The following NPAS3 variants were observed in gnomAD, a reference collection of about 807,000 sequenced individuals.
NPAS3 encodes the protein neuronal PAS domain-containing protein 3.
In NPAS3, 14 loss-of-function variants were observed where a neutral mutation model predicts 73.1. The observed-to-expected ratio is 0.19, with a 90% CI of 0.13 to 0.30. The LOEUF is 0.30. NPAS3 is among the 10% of genes least tolerant of loss of function. The pLI is 1.00. For missense variants in NPAS3, 1,096 were observed against 1,250.0 expected, an observed-to-expected ratio of 0.88 and a Z score of 1.86; for synonymous variants, 620 against 541.5, an observed-to-expected ratio of 1.14 and a Z score of -2.01.
rs369519441 is a variant in NPAS3 at position 33,546,159 on chromosome 14, C to T, written c.469-13962C>T. On this transcript the variant is annotated intron_variant, in intron 4 of 11. Transcript: ENST00000356141. Reference sequence around the variant, plus strand: ...TCTGGTGCTTTACCTAGGGCTGGAACGATATCCAGATTCCCATTTTTGTGA... The same window carrying T: ...TCTGGTGCTTTACCTAGGGCTGGAATGATATCCAGATTCCCATTTTTGTGA... Among the ~76,000 whole-genome samples, 6 of 152,286 alleles carry T rather than the reference C, an allele frequency of 3.9e-5. No homozygotes were observed. The South Asian group carries it at 6.2e-4, about 16-fold the overall frequency.
intron 4 of NPAS3, among the ~76,000 whole-genome samples, chr14:33,531,436 A>C (rs2054039494): frequency 6.6e-6 from 1 of 152,054 alleles, no homozygotes; most frequent in African/African-American, 2.4e-5. Context: ...ACGTCATATA[A>C]ATGGAATGAT....
intron 3 of NPAS3, among the ~76,000 whole-genome samples, chr14:33,307,689 C>G (rs1322522078): frequency 6.6e-6 from 1 of 150,874 alleles, no homozygotes; most frequent in Non-Finnish European, 1.5e-5. Flanking sequence ...CAATCTGTTA[C>G]AAGTTCCTAG....
At chr14:33,731,435 AAAAAAG>A (rs1408316423) in intron 6 of NPAS3, among the ~76,000 whole-genome samples, 5 of 150,890 alleles carry the variant, frequency 3.3e-5, no homozygotes, top group Non-Finnish European at 7.4e-5. Context: ...AAAAAAAAAA[AAAAAAG>A]AGAGAGAGAA....
At chr14:33,592,339 G>C (rs1237718884) in intron 5 of NPAS3, among the ~76,000 whole-genome samples, 1 of 152,174 alleles carries the variant, frequency 6.6e-6, no homozygotes, top group Non-Finnish European at 1.5e-5. Flanking sequence ...GGAAAATGAA[G>C]TTTGAAATGT....
At chr14:33,612,258 A>G (rs776783668) in intron 5 of NPAS3, 266 of 365,432 alleles carry the variant, frequency 7.3e-4, no homozygotes, top group Non-Finnish European at 1.3e-3. Context: ...GAGAACAGTG[A>G]TGCCCCACTG....
At chr14:33,554,773 T>C (rs1028795941) in intron 4 of NPAS3, among the ~76,000 whole-genome samples, 2 of 152,154 alleles carry the variant, frequency 1.3e-5, no homozygotes, top group Admixed American at 6.5e-5. Flanking sequence ...CAGAGGAATA[T>C]GCACAAAAAG....
intron 3 of NPAS3, among the ~76,000 whole-genome samples, chr14:33,252,831 T>C (rs951752222): frequency 6.6e-6 from 1 of 151,850 alleles, no homozygotes; most frequent in Non-Finnish European, 1.5e-5. Context: ...CTGTATTATC[T>C]ATCTTTATGT....
At chr14:33,312,728 C>T (rs79282042) in intron 3 of NPAS3, among the ~76,000 whole-genome samples, 184 of 151,980 alleles carry the variant, frequency 1.2e-3, no homozygotes, top group African/African-American at 4.0e-3. Context: ...CTTGAATGTA[C>T]GTGGTATAAT....
intron 5 of NPAS3, among the ~76,000 whole-genome samples, chr14:33,653,830 T>A (rs191101218): frequency 6.6e-6 from 1 of 152,212 alleles, no homozygotes; most frequent in African/African-American, 2.4e-5. Flanking sequence ...CACTGCATGA[T>A]TGGAAGTTTT....
At chr14:33,364,676 T>TATA (rs2045755767) in intron 3 of NPAS3, among the ~76,000 whole-genome samples, 1 of 152,116 alleles carries the variant, frequency 6.6e-6, no homozygotes, top group South Asian at 2.1e-4. Context: ...CAGATAGAAC[T>TATA]CATGGATGAA....
At chr14:33,600,576 T>C (rs2057371452) in intron 5 of NPAS3, among the ~76,000 whole-genome samples, 1 of 152,158 alleles carries the variant, frequency 6.6e-6, no homozygotes, top group African/African-American at 2.4e-5. Context: ...GACCCCCTAA[T>C]TGTACAGATT....
intron 1 of NPAS3, among the ~76,000 whole-genome samples, chr14:33,000,034 C>T (rs1595190538): frequency 6.6e-6 from 1 of 152,150 alleles, no homozygotes; most frequent in Non-Finnish European, 1.5e-5. Flanking sequence ...AAGGAGAGAA[C>T]CCTTCACTCT....
intron 6 of NPAS3, among the ~76,000 whole-genome samples, chr14:33,703,137 A>T (rs1458604255): frequency 6.6e-6 from 1 of 152,162 alleles, no homozygotes; most frequent in African/African-American, 2.4e-5. Context: ...TGTTTAATGT[A>T]GAACTTGCAA....
At chr14:33,526,883 A>G (rs1301495912) in intron 4 of NPAS3, among the ~76,000 whole-genome samples, 1 of 152,070 alleles carries the variant, frequency 6.6e-6, no homozygotes. Context: ...TACTTCATTG[A>G]CATAACCTAA....
At chr14:33,147,223 T>C (rs1048009888) in intron 2 of NPAS3, among the ~76,000 whole-genome samples, 3 of 152,186 alleles carry the variant, frequency 2.0e-5, no homozygotes, top group Non-Finnish European at 4.4e-5. Context: ...AAAATGCCCT[T>C]GCTGAAGTGA....
At chr14:33,499,616 A>T (rs1242135045) in intron 4 of NPAS3, among the ~76,000 whole-genome samples, 1 of 151,954 alleles carries the variant, frequency 6.6e-6, no homozygotes, top group African/African-American at 2.4e-5. Context: ...ATGAAGCTAC[A>T]TCAGCATGTT....
intron 5 of NPAS3, among the ~76,000 whole-genome samples, chr14:33,627,689 G>A (rs1040927193): frequency 6.6e-6 from 1 of 152,128 alleles, no homozygotes; most frequent in Non-Finnish European, 1.5e-5. Flanking sequence ...AAAGATTAGG[G>A]TAAAAACATA....
intron 4 of NPAS3, among the ~76,000 whole-genome samples, chr14:33,551,759 C>G (rs1383344788): frequency 6.6e-6 from 1 of 152,140 alleles, no homozygotes; most frequent in African/African-American, 2.4e-5. Flanking sequence ...CGTGGGGTCC[C>G]CTGTCCACTT....
chr14:33,552,779 C>CCAGTG (rs770349617), intron 4 of NPAS3, among the ~76,000 whole-genome samples: 3 of 151,904 alleles, frequency 2.0e-5, no homozygotes, highest in Non-Finnish European at 4.4e-5. Context: ...CCATTCAGGA[C>CCAGTG]CAGTGCAATG....
Sources: allele counts gnomAD v4.1 joint callset (sites outside exome capture counted in the v4.1 genomes callset), GRCh38; gene constraint gnomAD v4.1.1; transcripts MANE v1.5; gene names NCBI Gene and HGNC (gene_info 2026-07-23, HGNC 2026-07-21).